The following NRP1 variants were observed in gnomAD, a reference collection of about 807,000 sequenced individuals.
NRP1 encodes neuropilin 1.
In NRP1, 35 loss-of-function variants were observed where a neutral mutation model predicts 106.7. The observed-to-expected ratio is 0.33, with a 90% CI of 0.25 to 0.43. NRP1 has a LOEUF of 0.43. Ranked by LOEUF, NRP1 falls within the 20% of genes least tolerant of loss-of-function variation. The pLI is 1.00. For missense variants in NRP1, 1,024 were observed against 1,170.4 expected (o/e 0.87, Z 1.83); for synonymous variants, 437 against 417.9 (o/e 1.05, Z -0.56).
intron 6 of NRP1, among the ~76,000 whole-genome samples, chr10:33,232,936 C>T (rs61843203): frequency 0.036 from 5,458 of 152,198 alleles, 152 homozygotes; most frequent in Middle Eastern, 0.11. Context: ...GCATGAGCCA[C>T]CGTGCCCAGC....
chr10:33,186,998 C>T (rs79766652), intron 13 of NRP1, among the ~76,000 whole-genome samples: 11 of 152,208 alleles, frequency 7.2e-5, no homozygotes, highest in East Asian at 5.8e-4. Context: ...GCTATGACTA[C>T]GGGCCCATGC....
intron 2 of NRP1, among the ~76,000 whole-genome samples, chr10:33,296,566 G>A (rs1306883898): frequency 6.6e-6 from 1 of 152,062 alleles, no homozygotes; most frequent in Non-Finnish European, 1.5e-5. Flanking sequence ...CTGGAGGCAT[G>A]AGGGGTCCCT....
At chr10:33,333,535 T>A (rs1388481799) in intron 1 of NRP1, among the ~76,000 whole-genome samples, 5 of 152,248 alleles carry the variant, frequency 3.3e-5, no homozygotes. Flanking sequence ...GACGACTTAC[T>A]GTAAAGATAA....
chr10:33,288,770 T>G (rs1160448535), intron 2 of NRP1, among the ~76,000 whole-genome samples: 1 of 152,222 alleles, frequency 6.6e-6, no homozygotes, highest in Non-Finnish European at 1.5e-5. Context: ...TGTGAAGCTT[T>G]TCTTTTACTC....
chr10:33,259,536 G>A (rs536201771), intron 4 of NRP1, among the ~76,000 whole-genome samples: 8 of 152,212 alleles, frequency 5.3e-5, no homozygotes, highest in African/African-American at 1.9e-4. Flanking sequence ...GCGCCGAGGA[G>A]ATGAATGAAA....
chr10:33,193,175 C>A (rs2132635155), intron 12 of NRP1, among the ~76,000 whole-genome samples: 1 of 152,166 alleles, frequency 6.6e-6, no homozygotes, highest in East Asian at 1.9e-4. Flanking sequence ...CCTTAGGAAT[C>A]TGAAAAGACA....
In NRP1 at chr10:33,215,987, C is replaced by T. The variant is rs1838731841; in HGVS notation, c.1283-2270G>A. On this transcript the variant is annotated intron_variant, in intron 8 of 16. Coordinates refer to ENST00000374867, the MANE Select transcript of NRP1 (RefSeq NM_003873.7). ...CCACAAGGAATTCCCTGTCATGTTA[C>T]CCTTTTCCATTATCTGAACTGCTTA... is the stretch of plus-strand genomic sequence containing the variant. Among the ~76,000 whole-genome samples, 5 of 152,294 alleles carry T rather than the reference C, an allele frequency of 3.3e-5. No homozygotes were observed. The South Asian group carries it at 1.0e-3, about 32-fold the overall frequency.
chr10:33,255,524 A>T (rs1305430902), intron 5 of NRP1, among the ~76,000 whole-genome samples: 1 of 152,096 alleles, frequency 6.6e-6, no homozygotes, highest in Non-Finnish European at 1.5e-5. Context: ...GCATGATTAT[A>T]GCTCACTGCA....
At position 33,330,845 on chromosome 10, in the gene NRP1, C is replaced by T. The variant is rs762799921; in HGVS notation, c.111G>A (p.Gly37=). The T allele has an allele frequency of 1.9e-5, 31 of 1,610,016 alleles. No individual in the cohort carries two copies. In the South Asian group the frequency reaches 2.7e-4, roughly 14 times the overall value. Residue 37 remains glycine, a synonymous_variant, in exon 2 of 17, where the codon GGG becomes GGA. Transcript: ENST00000374867. ...CGDTIKIESP[G]YLTSPGYPHS... ...GAGGATAACCAGGAGATGTAAGGTA[C>T]CCGGGGCTTTCAATTTTTATAGTAT...
chr10:33,273,206 G>A (rs1032970606), intron 2 of NRP1, among the ~76,000 whole-genome samples: 1 of 152,138 alleles, frequency 6.6e-6, no homozygotes, highest in Non-Finnish European at 1.5e-5. Flanking sequence ...AGTTACATTT[G>A]TAAACTGGAA....
At chr10:33,188,702 C>A (rs1309990981) in intron 13 of NRP1, among the ~76,000 whole-genome samples, 1 of 151,672 alleles carries the variant, frequency 6.6e-6, no homozygotes, top group African/African-American at 2.4e-5. Context: ...CATGACAAAA[C>A]CATGTCTCTA....
chr10:33,185,484 G>A (rs530908417), intron 15 of NRP1, 144 bp downstream of exon 15: 2 of 617,424 alleles, frequency 3.2e-6, no homozygotes, highest in South Asian at 4.0e-5. Flanking sequence ...ATGCCCTGTT[G>A]CACCAGAATA....
At chr10:33,240,668 T>C (rs1285153514) in intron 6 of NRP1, among the ~76,000 whole-genome samples, 1 of 152,186 alleles carries the variant, frequency 6.6e-6, no homozygotes, top group East Asian at 1.9e-4. Flanking sequence ...GAGAGTTTCC[T>C]GTGCTGATGG....
chr10:33,293,512 C>A (rs1169951468), intron 2 of NRP1, among the ~76,000 whole-genome samples: 2 of 152,146 alleles, frequency 1.3e-5, no homozygotes, highest in African/African-American at 4.8e-5. Context: ...TCTTCTCTGA[C>A]CCCTAAATGC....
At chr10:33,268,625 T>C (rs1843087079) in intron 3 of NRP1, among the ~76,000 whole-genome samples, 3 of 152,218 alleles carry the variant, frequency 2.0e-5, no homozygotes, top group Admixed American at 6.5e-5. Flanking sequence ...CCTTCAACTG[T>C]CTTCAGATCT....
chr10:33,239,014 G>C (rs1247916695), intron 6 of NRP1, among the ~76,000 whole-genome samples: 5 of 151,958 alleles, frequency 3.3e-5, no homozygotes. Flanking sequence ...CTTTAGGCCA[G>C]GCACGGTGGC....
intron 6 of NRP1, among the ~76,000 whole-genome samples, chr10:33,243,864 G>A (rs1223165494): frequency 7.0e-6 from 1 of 142,546 alleles, no homozygotes; most frequent in African/African-American, 2.5e-5. Flanking sequence ...ATCCAGAATT[G>A]AATGAGATTA....
At chr10:33,308,648 AGCTAATTTT>A (rs1407670034) in intron 2 of NRP1, among the ~76,000 whole-genome samples, 1 of 151,842 alleles carries the variant, frequency 6.6e-6, no homozygotes, top group Non-Finnish European at 1.5e-5. Flanking sequence ...CACTATGTCC[AGCTAATTTT>A]TTTGTACTTT....
chr10:33,304,340 G>A (rs1207208915), intron 2 of NRP1, among the ~76,000 whole-genome samples: 3 of 152,192 alleles, frequency 2.0e-5, no homozygotes, highest in Non-Finnish European at 1.5e-5. Flanking sequence ...AGAAGACAAT[G>A]GGGAGGAAAA....
Sources: gnomAD v4.1 joint callset for allele counts (sites outside exome capture counted in the v4.1 genomes callset) on GRCh38, gnomAD v4.1.1 for gene constraint, MANE v1.5 for transcripts, NCBI Gene and HGNC (gene_info 2026-07-23, HGNC 2026-07-21) for gene names.